The following CACNA1G variants were observed in gnomAD, a reference collection of about 807,000 sequenced individuals.
CACNA1G encodes the protein calcium voltage-gated channel subunit alpha1 G.
In CACNA1G, 67 loss-of-function variants were observed where a neutral mutation model predicts 219.4. The observed-to-expected ratio is 0.31, with a 90% CI of 0.25 to 0.37. CACNA1G has a LOEUF of 0.37. CACNA1G is among the 10% of genes least tolerant of loss of function. The pLI, the probability that CACNA1G is intolerant of heterozygous loss-of-function variation, is 1.00. For missense variants in CACNA1G, 2,380 were observed against 3,231.4 expected, an observed-to-expected ratio of 0.74 and a Z score of 6.39; for synonymous variants, 1,296 against 1,345.3, an observed-to-expected ratio of 0.96 and a Z score of 0.80.
intron 26 of CACNA1G, among the ~76,000 whole-genome samples, chr17:50,615,119 G>A (rs553911764): frequency 5.9e-5 from 9 of 152,232 alleles, no homozygotes; most frequent in Non-Finnish European, 1.0e-4. Flanking sequence ...ATGTAGGTGG[G>A]GGGCTCTGCA....
chr17:50,572,096 C>G (rs367791834), intron 5 of CACNA1G, 59 bp downstream of exon 5: 665 of 1,546,776 alleles, frequency 4.3e-4, no homozygotes, highest in Non-Finnish European at 5.6e-4. Flanking sequence ...TGGGCACCCC[C>G]CCAAGTTCCT....
chr17:50,568,349 G>A lies in CACNA1G; in HGVS notation c.243-521G>A, dbSNP rs2038487023. On this transcript the variant is annotated intron_variant, in intron 1 of 37. Transcript: ENST00000359106. ...GGCCTCAACTTCCTCGAGTTCTGGGGAAGAAAATGATCTACCCCAGATATT... is the reference window on the plus strand; with the variant it reads ...GGCCTCAACTTCCTCGAGTTCTGGGAAAGAAAATGATCTACCCCAGATATT... Among the ~76,000 whole-genome samples, 4 of 152,298 alleles carry A rather than the reference G, an allele frequency of 2.6e-5. No homozygotes were observed. In the South Asian group the frequency reaches 8.3e-4, roughly 32 times the overall value.
intron 1 of CACNA1G, among the ~76,000 whole-genome samples, chr17:50,566,319 C>T (rs198539): frequency 0.6 from 90,666 of 151,268 alleles, 27,944 homozygotes; most frequent in East Asian, 0.94. Flanking sequence ...CCCCCCCCAT[C>T]AATTATTCCT....
rs367975580 is a variant in CACNA1G at position 50,594,566 on chromosome 17, A to G, written c.2911-427A>G. Among the ~76,000 whole-genome samples, 11 of 152,264 alleles carry G rather than the reference A, an allele frequency of 7.2e-5. No individual in the cohort carries two copies. In the East Asian group the frequency reaches 1.7e-3, roughly 24 times the overall value. On this transcript the variant is annotated intron_variant, in intron 13 of 37. Coordinates refer to ENST00000359106, the MANE Select transcript of CACNA1G (RefSeq NM_018896.5). ...GGCCCAGATCCACCTCTTACTCTGT[A>G]TGATTTGGGGCAGTTTCCGCAACTT...
chr17:50,624,738 A>G (rs1382724008), intron 37 of CACNA1G, among the ~76,000 whole-genome samples: 4 of 152,212 alleles, frequency 2.6e-5, no homozygotes, highest in African/African-American at 9.6e-5. Flanking sequence ...TCCTTGTTCC[A>G]CTGAGGAGGC....
chr17:50,604,832 G>A (rs1256279249), intron 22 of CACNA1G, among the ~76,000 whole-genome samples: 2 of 152,224 alleles, frequency 1.3e-5, no homozygotes, highest in Non-Finnish European at 2.9e-5. Context: ...TCAGGGGGCC[G>A]GGGAGCCCCT....
At chr17:50,597,370 C>A (rs990114235) in intron 16 of CACNA1G, among the ~76,000 whole-genome samples, 2 of 152,164 alleles carry the variant, frequency 1.3e-5, no homozygotes, top group African/African-American at 4.8e-5. Flanking sequence ...ACAATGATCC[C>A]CATTTTACAG....
chr17:50,570,589 G>GTGTGTGTGTGTGTGTGTGTGTGTA (rs1567968386), intron 4 of CACNA1G, among the ~76,000 whole-genome samples: 1 of 150,538 alleles, frequency 6.6e-6, no homozygotes, highest in African/African-American at 2.4e-5. Flanking sequence ...GTGTGTGTGT[G>GTGTGTGTGTGTGTGTGTGTGTGTA]ATGTTGCTGC....
chr17:50,561,903 G>A (rs988613368), intron 1 of CACNA1G: 3 of 288,874 alleles, frequency 1.0e-5, no homozygotes, highest in East Asian at 1.2e-4. Flanking sequence ...GGTAACCCGG[G>A]CTTACCCCAC....
chr17:50,565,343 G>A (rs1221109115), intron 1 of CACNA1G, among the ~76,000 whole-genome samples: 11 of 149,786 alleles, frequency 7.3e-5, no homozygotes, highest in Non-Finnish European at 1.5e-4. Context: ...GCACTGAAGC[G>A]TGGTGAGGGG....
In CACNA1G at chr17:50,596,798, G is replaced by T; in HGVS notation, c.3133G>T (p.Ala1045Ser). The part of the protein sequence containing the change: ...LLPPLIIHTA[A>S]TPMSLPKSTS... ...GCCGCCTCTCATCATCCACACGGCC[G>T]CCACACCCATGTCGCTGCCCAAGAG... The change falls in exon 16 of 38, where the codon GCC becomes TCC. Residue 1045 changes from alanine (A) to serine (S), a missense_variant. Physicochemically the swap from Ala to Ser is moderately conservative, Grantham distance 99. Transcript: ENST00000359106. The surrounding 1 kb of genome is among the most constrained non-coding windows in gnomAD (Gnocchi z 4.8). 6.2e-7 allele frequency: 1 copy of T among 1,611,482 alleles called. No homozygotes were observed.
chr17:50,563,021 A>G (rs1025346900), intron 1 of CACNA1G, among the ~76,000 whole-genome samples: 46 of 152,160 alleles, frequency 3.0e-4, no homozygotes, highest in Admixed American at 3.9e-4. Context: ...AGAGGTTCTT[A>G]TAGACCCAGG....
rs905988355 is a variant in CACNA1G at position 50,572,428 on chromosome 17, C to T, written c.747-126C>T. On this transcript the variant is annotated intron_variant, in intron 5 of 37. Transcript: ENST00000359106. The stretch of plus-strand genomic sequence containing the variant: ...ATCCCTGCCCTGCCCAGTCCCTTCC[C>T]CATTCTTGGTTCTGCCCTGCTCACC... The T allele has an allele frequency of 9.0e-6, 7 of 779,646 alleles. No homozygotes were observed. The African/African-American group carries it at 1.2e-4, about 14-fold the overall frequency. The allele number at this position is 779,646 out of a possible 1,614,324, so 48.3% of individuals were successfully genotyped here. A position where few individuals can be genotyped will look rare whatever the true frequency, so the allele number is the denominator to read the frequency against.
intron 13 of CACNA1G, among the ~76,000 whole-genome samples, chr17:50,594,340 C>A (rs2045035781): frequency 6.6e-6 from 1 of 152,248 alleles, no homozygotes; most frequent in Non-Finnish European, 1.5e-5. Flanking sequence ...TGTCACATCC[C>A]ATCTCAAACG....
In CACNA1G at chr17:50,594,981, C is replaced by T. The variant is rs950810148; in HGVS notation, c.2911-12C>T. ...ACCAGCAGCCCTCCCCTGCCTCCCC[C>T]TTTCCCTGTAGGAAATCAGCAAACG... On this transcript the variant is annotated splice_polypyrimidine_tract_variant and intron_variant, in intron 13 of 37. Coordinates refer to ENST00000359106, the MANE Select transcript of CACNA1G (RefSeq NM_018896.5). 5.8e-6 allele frequency: 9 copies of T among 1,552,148 alleles called. No homozygotes were observed. The East Asian group carries it at 7.3e-5, about 13-fold the overall frequency.
chr17:50,617,770 C>A lies in CACNA1G; in HGVS notation c.5156-89C>A. 1.3e-6 allele frequency: 2 copies of A among 1,496,252 alleles called. No homozygotes were observed. The highest frequency in any genetic ancestry group is 2.3e-5 in the East Asian group (1 of 43,636). The allele number at this position is 1,496,252 out of a possible 1,614,324, so 92.7% of individuals were successfully genotyped here. A position where few individuals can be genotyped will look rare whatever the true frequency, so the allele number is the denominator to read the frequency against. On this transcript the variant is annotated intron_variant, in intron 29 of 37. Transcript: ENST00000359106. The surrounding 1 kb of genome is among the most constrained non-coding windows in gnomAD (Gnocchi z 5.8). ...GCTGGCCCGGAGATGGCCATCCCAG[C>A]AGCCCCAGCCCAGCCCTGGTCCTGA...
chr17:50,626,532 A>C lies in CACNA1G; in HGVS notation c.6915A>C (p.Lys2305Asn), dbSNP rs1242482786. Reference sequence around the variant, plus strand: ...GGCCTGGGAGCCGGCCCAAGAAAAAACTCAGCCCGCCTAGTATCACCATAG... The same window carrying C: ...GGCCTGGGAGCCGGCCCAAGAAAAACCTCAGCCCGCCTAGTATCACCATAG... ...LGGPGSRPKKKLSPPSITIDP... is the reference protein window; with the variant it reads ...LGGPGSRPKKNLSPPSITIDP... Residue 2305 changes from lysine to asparagine, a missense_variant, in exon 38 of 38, where the codon AAA becomes AAC. Physicochemically the swap from Lys to Asn is moderately conservative, Grantham distance 94 (BLOSUM62 0). Around this residue, in one of 17 missense-constraint regions of CACNA1G, gnomAD observed 672 missense variants for 670.5 expected, o/e 1.00. Coordinates refer to ENST00000359106, the MANE Select transcript of CACNA1G (RefSeq NM_018896.5). This position sits in a 1 kb window ranked among gnomAD's most constrained non-coding sequence, Gnocchi z 4.3. 20 of 1,569,786 alleles carry C rather than the reference A, an allele frequency of 1.3e-5. No homozygotes were observed. Among genetic ancestry groups the C allele is most frequent in the Non-Finnish European group, 1.7e-5 (20 of 1,160,356 alleles).
At position 50,621,917 on chromosome 17, in the gene CACNA1G, C is replaced by T. The variant is rs2052202331; in HGVS notation, c.6060+123C>T. 2 of 1,063,018 alleles carry T rather than the reference C, an allele frequency of 1.9e-6. No homozygotes were observed. Among genetic ancestry groups the T allele is most frequent in the South Asian group, 3.0e-5 (2 of 67,284 alleles). 65.8% of individuals were successfully genotyped at this position (1,063,018 alleles called of 1,614,324 possible). A position where few individuals can be genotyped will look rare whatever the true frequency, so the allele number is the denominator to read the frequency against. On this transcript the variant is annotated intron_variant, in intron 35 of 37. Coordinates refer to ENST00000359106, the MANE Select transcript of CACNA1G (RefSeq NM_018896.5). The surrounding 1 kb of genome is among the most constrained non-coding windows in gnomAD (Gnocchi z 4.6). ...TCTCAGTTTGCTGCCAGGCTCCACCCAGAGGCATCAACTGTCAGGACCTCG... is the reference window on the plus strand; with the variant it reads ...TCTCAGTTTGCTGCCAGGCTCCACCTAGAGGCATCAACTGTCAGGACCTCG...
At position 50,626,320 on chromosome 17, in the gene CACNA1G, G is replaced by T; in HGVS notation, c.6703G>T (p.Glu2235Ter). 1 of 1,613,364 alleles carries T rather than the reference G, an allele frequency of 6.2e-7. No homozygotes were observed. The highest frequency in any genetic ancestry group is 8.5e-7 in the Non-Finnish European group (1 of 1,179,848). ...AGACCTCCTGCCCCCTGGCGGCCAG[G>T]AGGAGCCCCCATCCCCACGGGACCT... ...SGDLLPPGGQEEPPSPRDLKK... is the reference protein window; with the variant it reads ...SGDLLPPGGQ The change falls in exon 38 of 38, where the codon GAG becomes TAG. Residue 2235 changes from glutamate to a stop codon, truncating the protein, a stop_gained. Coordinates refer to ENST00000359106, the MANE Select transcript of CACNA1G (RefSeq NM_018896.5). LOFTEE classifies it high-confidence loss of function. This position sits in a 1 kb window ranked among gnomAD's most constrained non-coding sequence, Gnocchi z 4.3.
Sources: allele counts gnomAD v4.1 joint callset (sites outside exome capture counted in the v4.1 genomes callset), GRCh38; gene constraint gnomAD v4.1.1; regional missense constraint gnomAD v4.1.1; non-coding constraint Gnocchi (gnomAD v3.1); transcripts MANE v1.5; gene names NCBI Gene and HGNC (gene_info 2026-07-23, HGNC 2026-07-21).